Variants in CFAP47 observed in about 807,000 individuals in gnomAD.
CFAP47 encodes the protein cilia- and flagella-associated protein 47.
Under a neutral mutation model 148.1 loss-of-function variants are expected in CFAP47, and 29 were observed. That is an observed-to-expected ratio of 0.20 (90% confidence interval 0.15 to 0.27). The LOEUF (loss-of-function observed/expected upper bound fraction) is 0.27, where lower values mean the gene tolerates loss of function less well. CFAP47 is among the 10% of genes least tolerant of loss of function. The pLI is 1.00. For missense variants in CFAP47, 1,872 were observed against 1,697.5 expected, an observed-to-expected ratio of 1.10 and a Z score of -1.81; for synonymous variants, 664 against 577.3, an observed-to-expected ratio of 1.15 and a Z score of -2.15.
intron 46 of CFAP47, among the ~76,000 whole-genome samples, chrX:36,232,200 C>G (rs1227523230): frequency 9.0e-6 from 1 of 111,305 alleles, no homozygotes; most frequent in Non-Finnish European, 1.9e-5. Context: ...ACCAGTTCCT[C>G]CTTGTACCTC....
chrX:36,120,507 T>C (rs1938723730), intron 33 of CFAP47, among the ~76,000 whole-genome samples: 1 of 111,575 alleles, frequency 9.0e-6, no homozygotes, highest in African/African-American at 3.2e-5. Context: ...CTTGCAGCTA[T>C]GAAATTCTCC....
chrX:36,184,865 G>A (rs1939789195), intron 40 of CFAP47, among the ~76,000 whole-genome samples: 1 of 109,837 alleles, frequency 9.1e-6, no homozygotes, highest in Admixed American at 9.7e-5. Flanking sequence ...CCTGGGAGGC[G>A]GAGGTTGCAG....
chrX:35,994,075 A>G (rs1340468692), intron 18 of CFAP47, among the ~76,000 whole-genome samples: 1 of 110,537 alleles, frequency 9.0e-6, no homozygotes, highest in East Asian at 2.9e-4. Flanking sequence ...ATCTTGGCTA[A>G]CATGGTGAAA....
At chrX:36,284,775 G>A (rs1556004186) in intron 50 of CFAP47, among the ~76,000 whole-genome samples, 1 of 111,714 alleles carries the variant, frequency 9.0e-6, no homozygotes, top group African/African-American at 3.2e-5. Flanking sequence ...TAGCATAACA[G>A]TTCTTGAAAT....
chrX:36,328,795 T>C (rs782773962), intron 57 of CFAP47, among the ~76,000 whole-genome samples: 581 of 85,078 alleles, frequency 6.8e-3, no homozygotes, highest in African/African-American at 0.026. Context: ...CCGGCCTGGG[T>C]GACAGAGCGA....
At chrX:36,111,727 C>T (rs1938558200) in intron 33 of CFAP47, among the ~76,000 whole-genome samples, 1 of 111,094 alleles carries the variant, frequency 9.0e-6, no homozygotes, top group Non-Finnish European at 1.9e-5. Flanking sequence ...GGCTGTGAAT[C>T]CATTTGGTCC....
At chrX:35,956,504 G>C (rs1433645780) in intron 8 of CFAP47, among the ~76,000 whole-genome samples, 2 of 112,089 alleles carry the variant, frequency 1.8e-5, no homozygotes, top group African/African-American at 6.5e-5. Context: ...TATAAAACAT[G>C]TTAAAGTTGT....
chrX:35,995,967 G>A (rs958268843), intron 18 of CFAP47, among the ~76,000 whole-genome samples: 2 of 111,798 alleles, frequency 1.8e-5, no homozygotes, highest in East Asian at 2.8e-4. Context: ...CTGAAAATGA[G>A]TGAGAACGCA....
intron 1 of CFAP47, among the ~76,000 whole-genome samples, chrX:35,924,020 C>T (rs1204164310): frequency 3.0e-4 from 23 of 77,711 alleles, no homozygotes; most frequent in South Asian, 6.2e-4. Flanking sequence ...AATATATATG[C>T]ACATATATAT....
intron 48 of CFAP47, among the ~76,000 whole-genome samples, chrX:36,238,486 C>T (rs781837418): frequency 5.4e-5 from 6 of 111,699 alleles, no homozygotes; most frequent in South Asian, 3.7e-4. Flanking sequence ...ATGTAATTTG[C>T]GAATATTTTG....
intron 39 of CFAP47, among the ~76,000 whole-genome samples, chrX:36,162,506 G>A (rs1939443085): frequency 9.0e-6 from 1 of 111,046 alleles, no homozygotes; most frequent in Admixed American, 9.6e-5. Context: ...TGATTGACTT[G>A]GTTATTATTA....
At chrX:36,160,410 G>A (rs941128417) in intron 38 of CFAP47, among the ~76,000 whole-genome samples, 1 of 111,589 alleles carries the variant, frequency 9.0e-6, no homozygotes, top group Non-Finnish European at 1.9e-5. Context: ...ACATGCAACT[G>A]TTTACTTCCC....
chrX:36,029,635 G>A (rs749439026), intron 22 of CFAP47, among the ~76,000 whole-genome samples: 25 of 110,223 alleles, frequency 2.3e-4, no homozygotes, highest in Non-Finnish European at 4.4e-4. Context: ...GTTCTACAAA[G>A]CATTCATAAA....
chrX:36,300,334 C>G (rs7059181), intron 52 of CFAP47, among the ~76,000 whole-genome samples: 649 of 107,720 alleles, frequency 6.0e-3, no homozygotes, highest in African/African-American at 0.021. Context: ...CTGTCACCCA[C>G]GCTAGAGTGC....
chrX:36,034,757 A>G (rs1461644570), intron 23 of CFAP47, among the ~76,000 whole-genome samples: 5 of 110,393 alleles, frequency 4.5e-5, no homozygotes, highest in Admixed American at 2.9e-4. Flanking sequence ...CTTTTATTTT[A>G]CTTGCTCCAG....
intron 40 of CFAP47, among the ~76,000 whole-genome samples, chrX:36,184,958 G>A (rs1280429319): frequency 2.7e-5 from 3 of 110,685 alleles, no homozygotes; most frequent in Non-Finnish European, 3.8e-5. Context: ...AAGAAAGCTG[G>A]ATTCTGGAGA....
chrX:36,140,126 A>C (rs5973587), intron 35 of CFAP47, among the ~76,000 whole-genome samples: 10,937 of 111,405 alleles, frequency 0.098, 1,062 homozygotes, highest in African/African-American at 0.3. Flanking sequence ...AACTACACTC[A>C]TGCCTTCAAA....
chrX:36,055,412 G>A (rs1260943207), intron 26 of CFAP47, among the ~76,000 whole-genome samples: 1 of 111,357 alleles, frequency 9.0e-6, no homozygotes, highest in Admixed American at 9.6e-5. Flanking sequence ...GTGAGAACAT[G>A]TGTTTGTTGT....
At position 35,941,348 on chromosome X, in the gene CFAP47, G is replaced by A. The variant is rs758440622; in HGVS notation, c.467G>A (p.Ser156Asn). ...VVNFGTLVAN[S>N]KVYSKEITIT... ...AATTTTGGCACACTGGTTGCCAATA[G>A]TAAAGTATATTCTAAAGAGATTACT... is the stretch of plus-strand genomic sequence containing the variant. Residue 156 changes from serine to asparagine, a missense_variant, in exon 3 of 64, where the codon AGT (serine) becomes AAT (asparagine). Ser to Asn is a conservative substitution (Grantham distance 46). Transcript: ENST00000378653. 6 of 1,170,639 alleles carry A rather than the reference G, an allele frequency of 5.1e-6. No homozygotes were observed. Among genetic ancestry groups the A allele is most frequent in the Non-Finnish European group, 5.7e-6 (5 of 873,610 alleles).
Sources: allele counts gnomAD v4.1 joint callset (sites outside exome capture counted in the v4.1 genomes callset), GRCh38; gene constraint gnomAD v4.1.1; transcripts MANE v1.5; gene names NCBI Gene and HGNC (gene_info 2026-07-23, HGNC 2026-07-21).